PACS1: variants seen among roughly 807,000 people sequenced by gnomAD.
PACS1 encodes the protein phosphofurin acidic cluster sorting protein 1.
In PACS1, 24 loss-of-function variants were observed where a neutral mutation model predicts 115.0. The observed-to-expected ratio is 0.21, with a 90% CI of 0.15 to 0.29. The LOEUF (loss-of-function observed/expected upper bound fraction) is 0.29, where lower values mean the gene tolerates loss of function less well. Among genes scored for constraint, PACS1 ranks in the 10% least tolerant of loss-of-function variants. PACS1 has a pLI of 1.00. For missense variants in PACS1, 838 were observed against 1,251.2 expected, an observed-to-expected ratio of 0.67 and a Z score of 4.98; for synonymous variants, 453 against 504.5, an observed-to-expected ratio of 0.90 and a Z score of 1.37.
At chr11:66,156,360 C>T (rs2134618086) in intron 1 of PACS1, among the ~76,000 whole-genome samples, 1 of 150,266 alleles carries the variant, frequency 6.7e-6, no homozygotes, top group South Asian at 2.1e-4. Flanking sequence ...TCAAGCCATT[C>T]TCCTGCTTTC....
chr11:66,159,618 G>T (rs1283553361), intron 1 of PACS1, among the ~76,000 whole-genome samples: 1 of 152,132 alleles, frequency 6.6e-6, no homozygotes, highest in Non-Finnish European at 1.5e-5. Flanking sequence ...GGGTGGGGGA[G>T]CGGGTGGTAT....
chr11:66,207,353 G>A (rs1365533937), intron 2 of PACS1, among the ~76,000 whole-genome samples: 1 of 152,106 alleles, frequency 6.6e-6, no homozygotes, highest in African/African-American at 2.4e-5. Context: ...TGTAATCCCA[G>A]CTACTCAAGA....
intron 1 of PACS1, among the ~76,000 whole-genome samples, chr11:66,077,477 C>CT (rs1381469401): frequency 1.3e-5 from 2 of 152,172 alleles, no homozygotes; most frequent in African/African-American, 4.8e-5. Flanking sequence ...GGGAAGAGCA[C>CT]TTGAGCTCTG....
At chr11:66,141,558 G>A (rs566582590) in intron 1 of PACS1, among the ~76,000 whole-genome samples, 2 of 151,778 alleles carry the variant, frequency 1.3e-5, no homozygotes, top group South Asian at 4.2e-4. Flanking sequence ...GGTAGCTGAG[G>A]CAGGAGAATC....
chr11:66,163,371 A>T (rs1344888763), intron 1 of PACS1, among the ~76,000 whole-genome samples: 3 of 151,696 alleles, frequency 2.0e-5, no homozygotes, highest in Non-Finnish European at 4.4e-5. Flanking sequence ...AAAAAAAAAA[A>T]AGTTATTGGT....
rs533321683 is a variant in PACS1 at position 66,238,253 on chromosome 11, C to T, written c.2251-551C>T. 4.2e-5 allele frequency: 41 copies of T among 985,320 alleles called. No individual in the cohort carries two copies. The South Asian group carries it at 1.5e-3, about 35-fold the overall frequency. The allele number at this position is 985,320 out of a possible 1,614,324, so 61.0% of individuals were successfully genotyped here. On this transcript the variant is annotated intron_variant, in intron 19 of 23. Transcript: ENST00000320580. ...TCCACACCTTAGCACGTCCACTTGG[C>T]TTTAGACTCTCCCACCTGGCAGAGA...
intron 1 of PACS1, among the ~76,000 whole-genome samples, chr11:66,084,932 G>T (rs1029181662): frequency 6.6e-6 from 1 of 152,092 alleles, no homozygotes; most frequent in Admixed American, 6.5e-5. Context: ...TTAAAAACCT[G>T]GATGAGTTCT....
intron 1 of PACS1, among the ~76,000 whole-genome samples, chr11:66,136,599 C>T (rs1429975643): frequency 2.0e-5 from 3 of 152,030 alleles, no homozygotes; most frequent in Non-Finnish European, 2.9e-5. Context: ...GGGTTTTAAG[C>T]ACCCTCAGTA....
At chr11:66,229,584 C>G (rs1855540011) in intron 11 of PACS1, among the ~76,000 whole-genome samples, 1 of 151,676 alleles carries the variant, frequency 6.6e-6, no homozygotes, top group African/African-American at 2.4e-5. Context: ...GAGGCTGAGG[C>G]AGGAGAATGG....
At chr11:66,134,532 T>C (rs373810513) in intron 1 of PACS1, among the ~76,000 whole-genome samples, 3 of 151,558 alleles carry the variant, frequency 2.0e-5, no homozygotes, top group Non-Finnish European at 2.9e-5. Context: ...TGTACAAATA[T>C]AGGGACAGAT....
chr11:66,192,179 T>A (rs2134672059), intron 1 of PACS1, among the ~76,000 whole-genome samples: 1 of 152,286 alleles, frequency 6.6e-6, no homozygotes, highest in East Asian at 1.9e-4. Flanking sequence ...TAGAAGCCAT[T>A]TTAGGAAACT....
chr11:66,185,540 G>T (rs1860109210), intron 1 of PACS1, among the ~76,000 whole-genome samples: 1 of 152,112 alleles, frequency 6.6e-6, no homozygotes, highest in Middle Eastern at 3.2e-3. Context: ...GTGTTCTTCT[G>T]CCTGATCCCC....
chr11:66,162,549 G>A (rs1859515869), intron 1 of PACS1, among the ~76,000 whole-genome samples: 1 of 152,230 alleles, frequency 6.6e-6, no homozygotes, highest in Non-Finnish European at 1.5e-5. Context: ...CAGCCACTGG[G>A]GGCTGGAAGG....
chr11:66,178,564 T>C (rs1423474839), intron 1 of PACS1, among the ~76,000 whole-genome samples: 1 of 152,202 alleles, frequency 6.6e-6, no homozygotes, highest in Non-Finnish European at 1.5e-5. Flanking sequence ...ATTTACTGTA[T>C]TAAAATTGAA....
chr11:66,239,139 C>T lies in PACS1; in HGVS notation c.2294-3C>T. The T allele has an allele frequency of 6.2e-7, 1 of 1,614,186 alleles. No homozygotes were observed. On this transcript the variant is annotated splice_region_variant and splice_polypyrimidine_tract_variant and intron_variant, in intron 20 of 23. Transcript: ENST00000320580. The stretch of plus-strand genomic sequence containing the variant: ...ACTGTGTTTGTCGTTTGTCCCCTGA[C>T]AGGCGATGGGGACGATTCTCCTGTG...
At chr11:66,141,849 C>A (rs1565122551) in intron 1 of PACS1, among the ~76,000 whole-genome samples, 1 of 151,914 alleles carries the variant, frequency 6.6e-6, no homozygotes, top group Non-Finnish European at 1.5e-5. Context: ...CTTTGTCACC[C>A]AGAATGGAGT....
intron 1 of PACS1, among the ~76,000 whole-genome samples, chr11:66,167,811 G>T (rs1565131663): frequency 6.7e-6 from 1 of 149,886 alleles, no homozygotes; most frequent in Non-Finnish European, 1.5e-5. Flanking sequence ...CATGATTGTG[G>T]GATTATTTCT....
chr11:66,138,522 T>C (rs1858899702), intron 1 of PACS1, among the ~76,000 whole-genome samples: 1 of 152,152 alleles, frequency 6.6e-6, no homozygotes, highest in South Asian at 2.1e-4. Context: ...TCTTGGCACT[T>C]GCACAAACCT....
chr11:66,188,313 C>G (rs1474798097), intron 1 of PACS1, among the ~76,000 whole-genome samples: 1 of 151,972 alleles, frequency 6.6e-6, no homozygotes, highest in Non-Finnish European at 1.5e-5. Context: ...TTTGAACGTT[C>G]TTGTACCTGT....
Sources: allele counts gnomAD v4.1 joint callset (sites outside exome capture counted in the v4.1 genomes callset), GRCh38; gene constraint gnomAD v4.1.1; transcripts MANE v1.5; gene names NCBI Gene and HGNC (gene_info 2026-07-23, HGNC 2026-07-21).